The following SLC25A13 variants were observed in gnomAD, a reference collection of about 807,000 sequenced individuals.
The protein encoded by SLC25A13 is electrogenic aspartate/glutamate antiporter SLC25A13, mitochondrial.
SLC25A13 carries 70 observed loss-of-function variants against 85.5 expected under a neutral mutation model. That is an observed-to-expected ratio of 0.82 (90% CI 0.68 to 1.00). The LOEUF is 1.00. Ranked by LOEUF, SLC25A13 falls within the 50% of genes least tolerant of loss-of-function variation. The pLI, the probability that SLC25A13 is intolerant of heterozygous loss-of-function variation, is 0.00. For synonymous variants in SLC25A13, 259 were observed against 288.7 expected (o/e 0.90, Z 1.04); for missense variants, 765 against 819.8 (o/e 0.93, Z 0.82).
intron 10 of SLC25A13, chr7:96,184,718 G>A: frequency 3.1e-6 from 2 of 637,150 alleles, no homozygotes; most frequent in Non-Finnish European, 5.4e-6. Context: ...TCTGTAGATA[G>A]AGGAAAATGC....
At chr7:96,211,999 A>G (rs188610213) in intron 4 of SLC25A13, among the ~76,000 whole-genome samples, 1 of 152,302 alleles carries the variant, frequency 6.6e-6, no homozygotes. Context: ...CTAATTTTTA[A>G]CTTCTCATTG....
chr7:96,252,905 A>G (rs1584515831), intron 3 of SLC25A13, among the ~76,000 whole-genome samples: 1 of 151,950 alleles, frequency 6.6e-6, no homozygotes, highest in African/African-American at 2.4e-5. Flanking sequence ...ACCAGCCTGG[A>G]CAACATGGTG....
At chr7:96,206,559 A>AT (rs1795469295) in intron 5 of SLC25A13, among the ~76,000 whole-genome samples, 1 of 152,206 alleles carries the variant, frequency 6.6e-6, no homozygotes, top group Admixed American at 6.5e-5. Flanking sequence ...ATTAATTCCT[A>AT]TAAGTCCGGA....
chr7:96,184,550 T>A, intron 10 of SLC25A13, 115 bp from the exon 11 acceptor site: 3 of 1,023,160 alleles, frequency 2.9e-6, no homozygotes, highest in South Asian at 1.4e-5. Context: ...GAATTTTAAA[T>A]ACAGATTTTA....
At chr7:96,189,487 TC>T in intron 8 of SLC25A13, 93 bp downstream of exon 8, 2 of 1,522,460 alleles carry the variant, frequency 1.3e-6, no homozygotes, top group Admixed American at 3.4e-5. Flanking sequence ...AGTATAGCCT[TC>T]AGTTTGGCTT....
At chr7:96,151,953 T>G (rs2116502264) in intron 13 of SLC25A13, among the ~76,000 whole-genome samples, 1 of 152,072 alleles carries the variant, frequency 6.6e-6, no homozygotes, top group East Asian at 1.9e-4. Flanking sequence ...TCAATAAAAA[T>G]AAATAAATAA....
intron 15 of SLC25A13, among the ~76,000 whole-genome samples, chr7:96,123,528 T>C (rs1369335911): frequency 2.0e-5 from 3 of 152,242 alleles, no homozygotes; most frequent in East Asian, 1.9e-4. Context: ...ATAGAGGTAC[T>C]GGGGGTGAAG....
intron 3 of SLC25A13, among the ~76,000 whole-genome samples, chr7:96,247,790 T>C (rs529008822): frequency 6.6e-6 from 1 of 152,172 alleles, no homozygotes; most frequent in South Asian, 2.1e-4. Flanking sequence ...CATTGAAAAA[T>C]GATTATCACA....
In SLC25A13 at chr7:96,121,716, C is replaced by A; in HGVS notation, c.1780G>T (p.Gly594Cys). ...ARVFRSSPQF[G>C]VTLLTYELLQ... is the part of the protein sequence containing the mutation. ...AATTCGTAAGTCAGCAAAGTTACAC[C>A]AAACTGGGGTGAGGATCGAAATACA... The change falls in exon 17 of 18, where the codon GGT becomes TGT. Residue 594 changes from glycine (G) to cysteine (C), a missense_variant. Transcript: ENST00000265631. The A allele has an allele frequency of 1.9e-6, 3 of 1,614,042 alleles. No homozygotes were observed. The highest frequency in any genetic ancestry group is 2.5e-6 in the Non-Finnish European group (3 of 1,180,022).
At chr7:96,212,430 CTG>C (rs1795735624) in intron 4 of SLC25A13, among the ~76,000 whole-genome samples, 1 of 152,164 alleles carries the variant, frequency 6.6e-6, no homozygotes. Context: ...AAACAGTACA[CTG>C]TATCAGCACT....
At chr7:96,321,912 C>G in intron 1 of SLC25A13, 30 bp downstream of exon 1, 1 of 1,525,782 alleles carries the variant, frequency 6.6e-7, no homozygotes, top group East Asian at 2.6e-5. Context: ...CCGGCAGGCG[C>G]GCTCCCCCCG....
At chr7:96,249,641 C>T (rs144926651) in intron 3 of SLC25A13, among the ~76,000 whole-genome samples, 36 of 152,244 alleles carry the variant, frequency 2.4e-4, no homozygotes, top group African/African-American at 8.2e-4. Context: ...CTAAAGGTCT[C>T]CTAACAATTT....
chr7:96,264,258 T>C (rs1404252915), intron 3 of SLC25A13, among the ~76,000 whole-genome samples: 2 of 152,164 alleles, frequency 1.3e-5, no homozygotes, highest in African/African-American at 4.8e-5. Flanking sequence ...CCACTAATCC[T>C]CAGGTAAGCA....
At chr7:96,189,870 T>C (rs1794778800) in intron 7 of SLC25A13, among the ~76,000 whole-genome samples, 196 bp from the exon 8 acceptor site, 1 of 152,202 alleles carries the variant, frequency 6.6e-6, no homozygotes, top group Admixed American at 6.5e-5. Flanking sequence ...GCAGAATATG[T>C]TCTTGAATAT....
At chr7:96,208,337 A>G (rs1465627405) in intron 5 of SLC25A13, among the ~76,000 whole-genome samples, 1 of 152,184 alleles carries the variant, frequency 6.6e-6, no homozygotes, top group Non-Finnish European at 1.5e-5. Flanking sequence ...CTATGATTTC[A>G]ACATATTAAT....
chr7:96,186,605 C>T (rs1233578173), intron 9 of SLC25A13, among the ~76,000 whole-genome samples: 1 of 152,022 alleles, frequency 6.6e-6, no homozygotes, highest in South Asian at 2.1e-4. Flanking sequence ...TAACGGAGGA[C>T]TATAGCCTTT....
chr7:96,194,302 C>T (rs1794971360), intron 5 of SLC25A13, among the ~76,000 whole-genome samples: 1 of 149,468 alleles, frequency 6.7e-6, no homozygotes, highest in Admixed American at 6.6e-5. Context: ...ATTTGCCAGG[C>T]ATGGAGGTGC....
At position 96,193,195 on chromosome 7, in the gene SLC25A13, GA is replaced by G. The variant is rs774730694; in HGVS notation, c.469-13del. On this transcript the variant is annotated splice_polypyrimidine_tract_variant and intron_variant, in intron 5 of 17. Coordinates refer to ENST00000265631, the MANE Select transcript of SLC25A13 (RefSeq NM_014251.3). ...TCCAGTTGTATTTCCTACAAATAAA[GA>G]AAGTAAAATACTTAATTTATGCTTC... 1.1e-5 allele frequency: 18 copies of G among 1,613,324 alleles called. No individual in the cohort carries two copies. In the Admixed American group the frequency reaches 3.0e-4, roughly 27 times the overall value.
chr7:96,281,588 G>C (rs1731225119), intron 2 of SLC25A13, among the ~76,000 whole-genome samples: 1 of 152,120 alleles, frequency 6.6e-6, no homozygotes, highest in Non-Finnish European at 1.5e-5. Flanking sequence ...TACCCTTGGT[G>C]GGTGCTGATC....
Sources: allele counts gnomAD v4.1 joint callset (sites outside exome capture counted in the v4.1 genomes callset), GRCh38; gene constraint gnomAD v4.1.1; transcripts MANE v1.5; gene names NCBI Gene and HGNC (gene_info 2026-07-23, HGNC 2026-07-21).